The following SLC22A2 variants were observed in gnomAD, a reference collection of about 807,000 sequenced individuals.
SLC22A2 encodes organic cation transporter 2.
In SLC22A2, 46 loss-of-function variants were observed where a neutral mutation model predicts 60.5. The ratio of observed to expected loss-of-function variants is 0.76; its 90% CI spans 0.60 to 0.97. The LOEUF (loss-of-function observed/expected upper bound fraction) is 0.97, where lower values mean the gene tolerates loss of function less well. Ranked by LOEUF, SLC22A2 falls within the 50% of genes least tolerant of loss-of-function variation. The pLI, the probability that SLC22A2 is intolerant of heterozygous loss-of-function variation, is 0.00. For synonymous variants in SLC22A2, 303 were observed against 267.0 expected, an observed-to-expected ratio of 1.13 and a Z score of -1.31; for missense variants, 701 against 706.6, an observed-to-expected ratio of 0.99 and a Z score of 0.09.
chr6:160,218,471 GCAGCAGTAACAACAACAAAAGCAA>G (rs1782578283), intron 10 of SLC22A2, among the ~76,000 whole-genome samples: 1 of 152,236 alleles, frequency 6.6e-6, no homozygotes, highest in South Asian at 2.1e-4. Flanking sequence ...AGTGACAACA[GCAGCAGTAACAACAACAAAAGCAA>G]CAGCAGCAAC....
intron 9 of SLC22A2, among the ~76,000 whole-genome samples, chr6:160,235,730 T>A (rs1782900305): frequency 6.6e-6 from 1 of 151,896 alleles, no homozygotes; most frequent in Admixed American, 6.6e-5. Flanking sequence ...TGTAAAGAGT[T>A]ATAAAAGGTT....
At position 160,243,617 on chromosome 6, in the gene SLC22A2, T is replaced by C; in HGVS notation, c.1234A>G (p.Met412Val). The change falls in exon 7 of 11, where the codon ATG becomes GTG. Residue 412 changes from methionine (M) to valine (V), a missense_variant. By Grantham distance (21) the Met-to-Val change is conservative. Coordinates refer to ENST00000366953, the MANE Select transcript of SLC22A2 (RefSeq NM_003058.4). ...GCCAGACAGGCTGCCCCTGCAACCA[T>C]ATTTGATGCAGCCCAAGGGTAACGG... ...GRRYPWAASN[M>V]VAGAACLASV... The C allele has an allele frequency of 1.9e-6, 3 of 1,614,028 alleles. No individual in the cohort carries two copies. The highest frequency in any genetic ancestry group is 1.7e-6 in the Non-Finnish European group (2 of 1,179,930).
chr6:160,219,996 T>C (rs1782621559), intron 10 of SLC22A2, among the ~76,000 whole-genome samples: 1 of 152,216 alleles, frequency 6.6e-6, no homozygotes, highest in African/African-American at 2.4e-5. Flanking sequence ...AAGGTTGAAG[T>C]GGCTGTTGAA....
rs113187109 is a variant in SLC22A2 at position 160,239,911 on chromosome 6, T to A, written c.1501+1563A>T. ...ACTTTTGCTGGCAGATCTAGAGTGG[T>A]GGAAAATTTTCCCCCTCACAAATTC... is the stretch of plus-strand genomic sequence containing the variant. On this transcript the variant is annotated intron_variant, in intron 9 of 10. Coordinates refer to ENST00000366953, the MANE Select transcript of SLC22A2 (RefSeq NM_003058.4). 4.9e-3 allele frequency among the ~76,000 whole-genome samples: 741 copies of A among 152,218 alleles called. 1 individual carries two copies. The highest frequency in any genetic ancestry group is 7.8e-3 in the Non-Finnish European group (533 of 68,012).
intron 6 of SLC22A2, 122 bp from the exon 7 acceptor site, chr6:160,243,908 GT>G: frequency 1.5e-6 from 1 of 652,488 alleles, no homozygotes; most frequent in Non-Finnish European, 2.7e-6. Flanking sequence ...CTCCTTGCTA[GT>G]CCCCCATCCC....
chr6:160,244,770 A>C (rs1783063708), intron 6 of SLC22A2: 1 of 152,228 alleles, frequency 6.6e-6, no homozygotes, highest in Non-Finnish European at 1.5e-5. Flanking sequence ...CAGTGATTGT[A>C]AATCTCCATT....
intron 2 of SLC22A2, 107 bp from the exon 3 acceptor site, chr6:160,250,809 T>A: frequency 8.7e-7 from 1 of 1,143,308 alleles, no homozygotes; most frequent in Admixed American, 2.2e-5. Context: ...GAGGTTAACT[T>A]TAAATTTTAT....
At position 160,222,643 on chromosome 6, in the gene SLC22A2, G is replaced by A. The variant is rs73027651; in HGVS notation, c.1601+2062C>T. Reference sequence around the variant, plus strand: ...GGAAGCTGCATGGGGAGAGGGGTACGGGGTGGGAGGTGGTTGGTTTAGATG... The same window carrying A: ...GGAAGCTGCATGGGGAGAGGGGTACAGGGTGGGAGGTGGTTGGTTTAGATG... On this transcript the variant is annotated intron_variant, in intron 10 of 10. Coordinates refer to ENST00000366953, the MANE Select transcript of SLC22A2 (RefSeq NM_003058.4). Among the ~76,000 whole-genome samples the A allele has an allele frequency of 4.1e-3, 620 of 152,248 alleles. 5 individuals carry two copies. The highest frequency in any genetic ancestry group is 0.027 in the Middle Eastern group (8 of 294).
intron 9 of SLC22A2, among the ~76,000 whole-genome samples, chr6:160,227,890 C>T (rs1048673692): frequency 8.5e-5 from 13 of 152,310 alleles, no homozygotes; most frequent in Middle Eastern, 3.4e-3. Flanking sequence ...GACCTCTGGT[C>T]GTCTTCATTG....
At chr6:160,237,989 A>G (rs924850151) in intron 9 of SLC22A2, among the ~76,000 whole-genome samples, 2 of 152,262 alleles carry the variant, frequency 1.3e-5, no homozygotes, top group Admixed American at 6.5e-5. Context: ...AAAACGGGGA[A>G]CTCATAAATA....
intron 9 of SLC22A2, among the ~76,000 whole-genome samples, chr6:160,237,914 C>T (rs377381358): frequency 3.3e-5 from 5 of 152,194 alleles, no homozygotes; most frequent in African/African-American, 9.6e-5. Flanking sequence ...CTGCTACACT[C>T]CCACCAGTGC....
At chr6:160,230,572 CTTAA>C (rs1476842343) in intron 9 of SLC22A2, among the ~76,000 whole-genome samples, 1 of 151,992 alleles carries the variant, frequency 6.6e-6, no homozygotes, top group Non-Finnish European at 1.5e-5. Flanking sequence ...CACAACAGGA[CTTAA>C]TTAACCTTGC....
chr6:160,254,801 A>T lies in SLC22A2; in HGVS notation c.518+1813T>A, dbSNP rs184263857. On this transcript the variant is annotated intron_variant, in intron 2 of 10. Transcript: ENST00000366953. ...ACAATAGGAACAAAATAATGAGATCATCTAAGAAGGTGGATAATTGACCAG... is the reference window on the plus strand; with the variant it reads ...ACAATAGGAACAAAATAATGAGATCTTCTAAGAAGGTGGATAATTGACCAG... 1.8e-3 allele frequency among the ~76,000 whole-genome samples: 270 copies of T among 152,352 alleles called. 2 individuals are homozygous for T. Among genetic ancestry groups the T allele is most frequent in the African/African-American group, 6.1e-3 (255 of 41,576 alleles).
At chr6:160,247,938 T>C (rs927669412) in intron 4 of SLC22A2, among the ~76,000 whole-genome samples, 1 of 152,072 alleles carries the variant, frequency 6.6e-6, no homozygotes, top group African/African-American at 2.4e-5. Context: ...GTGGCAGTTA[T>C]GGTGTAAATG....
chr6:160,229,654 A>G (rs1423496477), intron 9 of SLC22A2, among the ~76,000 whole-genome samples: 2 of 147,066 alleles, frequency 1.4e-5, no homozygotes, highest in Admixed American at 6.7e-5. Context: ...AGCACCCCCC[A>G]CTCCTTCTCT....
intron 1 of SLC22A2, among the ~76,000 whole-genome samples, chr6:160,257,144 A>G (rs1423411511): frequency 1.3e-5 from 2 of 152,246 alleles, no homozygotes; most frequent in East Asian, 3.8e-4. Context: ...AGCATTGGCT[A>G]AATCAGCTGA....
chr6:160,236,288 A>G (rs1029134361), intron 9 of SLC22A2, among the ~76,000 whole-genome samples: 9 of 152,210 alleles, frequency 5.9e-5, no homozygotes, highest in African/African-American at 2.2e-4. Flanking sequence ...GCAGGAGTTA[A>G]CTGCATGGAC....
At position 160,229,026 on chromosome 6, in the gene SLC22A2, G is replaced by T. The variant is rs1404391435; in HGVS notation, c.1502-4222C>A. On this transcript the variant is annotated intron_variant, in intron 9 of 10. Coordinates refer to ENST00000366953, the MANE Select transcript of SLC22A2 (RefSeq NM_003058.4). ...TTGCTCACACAAAGCCTGTTTGGTG[G>T]TCTCTTCACATGGACACCAGTGAAA... Among the ~76,000 whole-genome samples the T allele has an allele frequency of 2.0e-5, 3 of 151,976 alleles. No individual in the cohort carries two copies. In the South Asian group the frequency reaches 6.2e-4, roughly 32 times the overall value.
chr6:160,218,073 A>T (rs566853744), intron 10 of SLC22A2: 1 of 172,976 alleles, frequency 5.8e-6, no homozygotes, highest in South Asian at 1.3e-4. Context: ...TTATAGCAAT[A>T]TTGAATCAGC....
Sources: allele counts gnomAD v4.1 joint callset (sites outside exome capture counted in the v4.1 genomes callset), GRCh38; gene constraint gnomAD v4.1.1; transcripts MANE v1.5; gene names NCBI Gene and HGNC (gene_info 2026-07-23, HGNC 2026-07-21).